RAP1GAP2: variants seen among roughly 807,000 people sequenced by gnomAD.
RAP1GAP2 encodes RAP1 GTPase activating protein 2, also known as rap1 GTPase-activating protein 2.
A neutral mutation model predicts 95.0 loss-of-function variants in RAP1GAP2; 27 were observed. The ratio of observed to expected loss-of-function variants is 0.28; its 90% CI spans 0.21 to 0.39. The LOEUF (loss-of-function observed/expected upper bound fraction) is 0.39. Among genes scored for constraint, RAP1GAP2 ranks in the 10% least tolerant of loss-of-function variants. RAP1GAP2 has a pLI of 1.00. For synonymous variants in RAP1GAP2, 373 were observed against 380.9 expected (o/e 0.98, Z 0.24); for missense variants, 771 against 970.0 (o/e 0.79, Z 2.72).
At chr17:3,011,120 G>A (rs1368553424) in intron 17 of RAP1GAP2, among the ~76,000 whole-genome samples, 1 of 151,784 alleles carries the variant, frequency 6.6e-6, no homozygotes, top group Non-Finnish European at 1.5e-5. Context: ...TAGAGACGAG[G>A]TTTCACCATG....
At chr17:3,010,175 A>G (rs2046472640) in intron 17 of RAP1GAP2, among the ~76,000 whole-genome samples, 2 of 151,962 alleles carry the variant, frequency 1.3e-5, no homozygotes, top group Admixed American at 1.3e-4. Context: ...CCTCGTCTCC[A>G]CTAAAAATAC....
At chr17:2,760,375 C>G (rs188207264) in intron 1 of RAP1GAP2, among the ~76,000 whole-genome samples, 23 of 150,134 alleles carry the variant, frequency 1.5e-4, no homozygotes, top group African/African-American at 5.1e-4. Context: ...GAGTCTTGCT[C>G]TGTCGCCCAG....
intron 2 of RAP1GAP2, among the ~76,000 whole-genome samples, chr17:2,886,056 G>A (rs1488678170): frequency 6.6e-6 from 1 of 152,056 alleles, no homozygotes; most frequent in African/African-American, 2.4e-5. Flanking sequence ...GGCAGATGCG[G>A]CAGGGCCTTC....
chr17:2,830,032 T>C (rs965681158), intron 2 of RAP1GAP2, among the ~76,000 whole-genome samples: 1 of 152,170 alleles, frequency 6.6e-6, no homozygotes, highest in Non-Finnish European at 1.5e-5. Context: ...ACACATAACA[T>C]GAACTCTACC....
At chr17:2,842,976 G>A (rs962777009) in intron 2 of RAP1GAP2, among the ~76,000 whole-genome samples, 2 of 152,014 alleles carry the variant, frequency 1.3e-5, no homozygotes, top group African/African-American at 2.4e-5. Flanking sequence ...GAGGGCTAGC[G>A]TAGAGCAGAC....
upstream of RAP1GAP2, among the ~76,000 whole-genome samples, chr17:2,775,484 G>A (rs529491251): frequency 9.9e-4 from 150 of 152,134 alleles, 1 homozygote; most frequent in South Asian, 5.6e-3. Context: ...TTAAGTGGGT[G>A]GTGGGGAGGG....
At chr17:2,938,515 C>G (rs1266227719) in intron 3 of RAP1GAP2, among the ~76,000 whole-genome samples, 1 of 152,180 alleles carries the variant, frequency 6.6e-6, no homozygotes, top group Non-Finnish European at 1.5e-5. Context: ...CTTCTCCTTC[C>G]CCACAGCACC....
intron 2 of RAP1GAP2, among the ~76,000 whole-genome samples, chr17:2,807,085 C>T (rs570291155): frequency 4.6e-5 from 7 of 152,188 alleles, no homozygotes; most frequent in African/African-American, 1.2e-4. Flanking sequence ...TTAGTAGAGA[C>T]GGGGTTTCGC....
At chr17:2,819,852 T>G (rs917337143) in intron 2 of RAP1GAP2, among the ~76,000 whole-genome samples, 4 of 151,128 alleles carry the variant, frequency 2.6e-5, no homozygotes, top group Non-Finnish European at 5.9e-5. Context: ...GGTGTGATCC[T>G]GGCTCACTGT....
chr17:2,808,347 A>G (rs964686524), intron 2 of RAP1GAP2, among the ~76,000 whole-genome samples: 61 of 152,156 alleles, frequency 4.0e-4, no homozygotes, highest in Non-Finnish European at 1.3e-4. Context: ...TGCTGGTCCC[A>G]TTCATGGAGA....
At chr17:2,950,792 G>A (rs1400127519) in intron 3 of RAP1GAP2, among the ~76,000 whole-genome samples, 1 of 151,400 alleles carries the variant, frequency 6.6e-6, no homozygotes, top group African/African-American at 2.4e-5. Context: ...TGTATTTTTA[G>A]TAGAGATGGG....
intron 18 of RAP1GAP2, 107 bp from the exon 19 acceptor site, chr17:3,020,370 G>T (rs749848174): frequency 2.4e-6 from 2 of 819,184 alleles, no homozygotes; most frequent in Non-Finnish European, 2.0e-6. Flanking sequence ...GCTATTTTCT[G>T]GGGTCTCTTC....
intron 2 of RAP1GAP2, among the ~76,000 whole-genome samples, chr17:2,814,850 G>C (rs899128065): frequency 2.0e-5 from 3 of 152,126 alleles, no homozygotes; most frequent in Non-Finnish European, 4.4e-5. Context: ...GGGGTGTTGG[G>C]GGGGAGGGTT....
At chr17:2,911,570 C>T (rs1367287465) in intron 3 of RAP1GAP2, among the ~76,000 whole-genome samples, 1 of 151,908 alleles carries the variant, frequency 6.6e-6, no homozygotes, top group East Asian at 1.9e-4. Flanking sequence ...AGAGAGCCTG[C>T]CGTCTACAGG....
chr17:2,991,726 G>T (rs540311367), intron 12 of RAP1GAP2, among the ~76,000 whole-genome samples: 2 of 152,218 alleles, frequency 1.3e-5, no homozygotes, highest in South Asian at 4.1e-4. Flanking sequence ...AGGGAGCCCC[G>T]TGCAGTTTTG....
intron 2 of RAP1GAP2, among the ~76,000 whole-genome samples, chr17:2,831,960 C>T (rs536219780): frequency 4.5e-4 from 69 of 151,842 alleles, no homozygotes; most frequent in Middle Eastern, 3.4e-3. Context: ...AATCCCAGCA[C>T]TTTGGGAGGC....
intron 2 of RAP1GAP2, among the ~76,000 whole-genome samples, chr17:2,770,953 A>T (rs910844597): frequency 6.6e-6 from 1 of 152,206 alleles, no homozygotes; most frequent in African/African-American, 2.4e-5. Flanking sequence ...TAGCTGAGAC[A>T]GGAGAATCTC....
intron 2 of RAP1GAP2, among the ~76,000 whole-genome samples, chr17:2,884,372 GTT>G (rs72123618): frequency 8.9e-5 from 11 of 123,716 alleles, no homozygotes; most frequent in Non-Finnish European, 6.7e-5. Flanking sequence ...TTCTTGAGTT[GTT>G]TTTTTTTTTT....
chr17:2,844,165 C>T lies in RAP1GAP2; in HGVS notation c.80+43615C>T, dbSNP rs372529952. 3.6e-4 allele frequency among the ~76,000 whole-genome samples: 54 copies of T among 152,044 alleles called. 1 individual carries two copies. Among genetic ancestry groups the T allele is most frequent in the African/African-American group, 1.2e-3 (48 of 41,466 alleles). ...CCTCCGGAGTAGCTGGGACTACAGG[C>T]GCCCGCCACCATGCCTGGCTAATAT... On this transcript the variant is annotated intron_variant, in intron 2 of 24. Coordinates refer to ENST00000254695, the MANE Select transcript of RAP1GAP2 (RefSeq NM_015085.5).
Sources: allele counts gnomAD v4.1 joint callset (sites outside exome capture counted in the v4.1 genomes callset), GRCh38; gene constraint gnomAD v4.1.1; transcripts MANE v1.5; gene names NCBI Gene and HGNC (gene_info 2026-07-23, HGNC 2026-07-21).